The following SGCZ variants were observed in gnomAD, a reference collection of about 807,000 sequenced individuals.
SGCZ encodes the protein zeta-sarcoglycan.
In SGCZ, 40 loss-of-function variants were observed where a neutral mutation model predicts 41.3. The ratio of observed to expected loss-of-function variants is 0.97; its 90% CI spans 0.75 to 1.26. The LOEUF is 1.26. Among genes scored for constraint, SGCZ ranks in the 50% most tolerant of loss-of-function variants. SGCZ has a pLI of 0.00. For synonymous variants in SGCZ, 206 were observed against 137.5 expected (o/e 1.50, Z -3.49); for missense variants, 552 against 369.8 (o/e 1.49, Z -4.04).
At chr8:14,496,321 G>A (rs1395244850) in intron 2 of SGCZ, among the ~76,000 whole-genome samples, 1 of 151,966 alleles carries the variant, frequency 6.6e-6, no homozygotes, top group African/African-American at 2.4e-5. Context: ...TTTCTGAGTT[G>A]GCCCCACAAA....
chr8:14,119,542 A>G (rs1460228233), intron 5 of SGCZ, among the ~76,000 whole-genome samples: 1 of 152,018 alleles, frequency 6.6e-6, no homozygotes, highest in East Asian at 1.9e-4. Context: ...ATTTAAATAC[A>G]CATTCTTTCT....
intron 2 of SGCZ, among the ~76,000 whole-genome samples, chr8:14,475,914 T>G (rs1233764598): frequency 6.6e-6 from 1 of 152,078 alleles, no homozygotes; most frequent in Non-Finnish European, 1.5e-5. Flanking sequence ...CAGCTCACTG[T>G]CACCTCAAAC....
intron 1 of SGCZ, among the ~76,000 whole-genome samples, chr8:15,038,814 CAAAAA>C (rs58922339): frequency 0.25 from 22,910 of 91,598 alleles, 1,634 homozygotes; most frequent in African/African-American, 0.32. Flanking sequence ...TGACATTTCT[CAAAAA>C]AAAAAAAAAA....
intron 3 of SGCZ, among the ~76,000 whole-genome samples, chr8:14,244,076 G>T (rs922959394): frequency 6.6e-6 from 1 of 152,062 alleles, no homozygotes; most frequent in African/African-American, 2.4e-5. Context: ...AGGCTACATG[G>T]GTTTAAGTGG....
At position 14,976,211 on chromosome 8, in the gene SGCZ, C is replaced by T. The variant is rs547561371; in HGVS notation, c.39+261374G>A. ...TAATTTTTTGTGTTTTTAGTAGACA[C>T]ATGGTTTCACCATGTTGGCCAGGAT... On this transcript the variant is annotated intron_variant, in intron 1 of 7. Transcript: ENST00000382080. 5.3e-5 allele frequency among the ~76,000 whole-genome samples: 8 copies of T among 151,832 alleles called. No homozygotes were observed. The South Asian group carries it at 1.7e-3, about 32-fold the overall frequency.
intron 1 of SGCZ, among the ~76,000 whole-genome samples, chr8:14,594,131 G>T (rs1351298771): frequency 6.6e-6 from 1 of 150,814 alleles, no homozygotes; most frequent in Admixed American, 6.6e-5. Flanking sequence ...GTCGAGATTA[G>T]GCTATTGCAC....
intron 1 of SGCZ, among the ~76,000 whole-genome samples, chr8:14,750,774 T>C (rs900649928): frequency 6.6e-5 from 10 of 152,322 alleles, no homozygotes; most frequent in Non-Finnish European, 1.3e-4. Flanking sequence ...TTTATTTAAA[T>C]CCAGAAAAAT....
intron 1 of SGCZ, among the ~76,000 whole-genome samples, chr8:14,850,117 C>T (rs2130650982): frequency 6.6e-6 from 1 of 152,206 alleles, no homozygotes; most frequent in African/African-American, 2.4e-5. Flanking sequence ...ATTTTCAATG[C>T]CTTCACACTA....
intron 3 of SGCZ, among the ~76,000 whole-genome samples, chr8:14,288,559 C>A (rs1286343993): frequency 6.6e-6 from 1 of 152,102 alleles, no homozygotes; most frequent in Admixed American, 6.6e-5. Context: ...CAGACTTTCA[C>A]TTAGCATGAT....
intron 1 of SGCZ, among the ~76,000 whole-genome samples, chr8:14,640,059 C>A (rs1394201120): frequency 6.6e-6 from 1 of 151,614 alleles, no homozygotes; most frequent in Admixed American, 6.6e-5. Flanking sequence ...TAATAAAAGT[C>A]TTCTATTACA....
In SGCZ at chr8:14,669,693, TACACACACAC is replaced by T. The variant is rs35602830; in HGVS notation, c.40-114777_40-114768del. Among the ~76,000 whole-genome samples, 1,321 of 147,584 alleles carry T rather than the reference TACACACACAC, an allele frequency of 9.0e-3. 15 individuals are homozygous for T. The highest frequency in any genetic ancestry group is 0.024 in the Middle Eastern group (7 of 288). On this transcript the variant is annotated intron_variant, in intron 1 of 7. Transcript: ENST00000382080. ...GCTGAATAATATTCCATTTTGTGTA[TACACACACAC>T]ACACACACACACACACACACACACA...
At chr8:14,219,778 T>C (rs1563193173) in intron 4 of SGCZ, among the ~76,000 whole-genome samples, 2 of 152,022 alleles carry the variant, frequency 1.3e-5, no homozygotes, top group East Asian at 1.9e-4. Context: ...AATTGTGCTA[T>C]GAAGTTTTGC....
chr8:14,568,545 T>G (rs1027954339), intron 1 of SGCZ, among the ~76,000 whole-genome samples: 1 of 152,192 alleles, frequency 6.6e-6, no homozygotes, highest in African/African-American at 2.4e-5. Flanking sequence ...ATGATTTTTT[T>G]TGTGTTAGCT....
chr8:14,983,414 C>G (rs548922404), intron 1 of SGCZ, among the ~76,000 whole-genome samples: 26 of 152,066 alleles, frequency 1.7e-4, no homozygotes, highest in Non-Finnish European at 3.1e-4. Context: ...AAGTCTCACT[C>G]CATCACCCAG....
rs558441526 is a variant in SGCZ, at chr8:14,568,254, G to A, written c.40-13328C>T. On this transcript the variant is annotated intron_variant, in intron 1 of 7. Transcript: ENST00000382080. ...GTCCGGGGGTGGGGAGAAAGAGGAG[G>A]GAGAGCATCAGGACAATACCTAATG... 2.6e-5 allele frequency among the ~76,000 whole-genome samples: 4 copies of A among 151,990 alleles called. No individual in the cohort carries two copies. In the East Asian group the frequency reaches 7.8e-4, roughly 30 times the overall value.
At chr8:14,430,783 T>C (rs1322118588) in intron 2 of SGCZ, among the ~76,000 whole-genome samples, 1 of 152,162 alleles carries the variant, frequency 6.6e-6, no homozygotes, top group Non-Finnish European at 1.5e-5. Flanking sequence ...TATCATTGTT[T>C]ATCTAGAAAA....
At chr8:14,518,977 G>C (rs1327597334) in intron 2 of SGCZ, among the ~76,000 whole-genome samples, 1 of 150,308 alleles carries the variant, frequency 6.7e-6, no homozygotes, top group African/African-American at 2.5e-5. Context: ...GCTGAGGCAG[G>C]AGAATCGCTT....
chr8:14,696,546 T>A (rs1216675136), intron 1 of SGCZ, among the ~76,000 whole-genome samples: 1 of 152,156 alleles, frequency 6.6e-6, no homozygotes, highest in Non-Finnish European at 1.5e-5. Context: ...ACATTAGATT[T>A]AAATTTATTT....
intron 1 of SGCZ, among the ~76,000 whole-genome samples, chr8:15,197,386 C>A (rs866459543): frequency 6.6e-6 from 1 of 152,142 alleles, no homozygotes; most frequent in Non-Finnish European, 1.5e-5. Flanking sequence ...AACTAAGTTT[C>A]ATTTCAGAAT....
Sources: allele counts gnomAD v4.1 joint callset (sites outside exome capture counted in the v4.1 genomes callset), GRCh38; gene constraint gnomAD v4.1.1; transcripts MANE v1.5; gene names NCBI Gene and HGNC (gene_info 2026-07-23, HGNC 2026-07-21).